Variants in PPM1H observed in about 807,000 individuals in gnomAD.
PPM1H encodes protein phosphatase, Mg2+/Mn2+ dependent 1H.
Under a neutral mutation model 54.9 loss-of-function variants are expected in PPM1H, and 27 were observed. The observed-to-expected ratio is 0.49, with a 90% confidence interval of 0.36 to 0.68. The LOEUF (loss-of-function observed/expected upper bound fraction) is 0.68. Among genes scored for constraint, PPM1H ranks in the 30% least tolerant of loss-of-function variants. The pLI is 0.00. For missense variants in PPM1H, 596 were observed against 667.8 expected (o/e 0.89, Z 1.19); for synonymous variants, 305 against 270.8 (o/e 1.13, Z -1.24).
intron 1 of PPM1H, among the ~76,000 whole-genome samples, chr12:62,862,961 C>A (rs1323245955): frequency 6.6e-6 from 1 of 152,152 alleles, no homozygotes; most frequent in African/African-American, 2.4e-5. Flanking sequence ...AAGAATCACT[C>A]AAAGTTTTAA....
At chr12:62,740,006 C>T (rs2076372692) in intron 4 of PPM1H, among the ~76,000 whole-genome samples, 1 of 152,192 alleles carries the variant, frequency 6.6e-6, no homozygotes. Context: ...GTATTTCTGA[C>T]CTCTCTTTCC....
intron 1 of PPM1H, among the ~76,000 whole-genome samples, chr12:62,932,078 CTGACTTT>C (rs1226759144): frequency 1.3e-4 from 19 of 147,456 alleles, no homozygotes; most frequent in African/African-American, 4.8e-4. Context: ...GGAAGAGGGG[CTGACTTT>C]TTTTTTTTTT....
intron 1 of PPM1H, among the ~76,000 whole-genome samples, chr12:62,918,305 T>G (rs1279309845): frequency 6.6e-6 from 1 of 152,220 alleles, no homozygotes; most frequent in East Asian, 1.9e-4. Flanking sequence ...ATTAACTTAT[T>G]TTCCCAAGAA....
chr12:62,658,903 T>A, intron 9 of PPM1H: 1 of 660,272 alleles, frequency 1.5e-6, no homozygotes, highest in East Asian at 3.2e-5. Flanking sequence ...CTGACCAATA[T>A]GTCAAAATTA....
chr12:62,710,685 T>C (rs971270781), intron 6 of PPM1H, among the ~76,000 whole-genome samples: 2 of 152,224 alleles, frequency 1.3e-5, no homozygotes, highest in African/African-American at 4.8e-5. Flanking sequence ...CAAACCCATC[T>C]TCATCTGCCA....
intron 4 of PPM1H, among the ~76,000 whole-genome samples, chr12:62,766,083 G>A (rs1275355284): frequency 6.6e-6 from 1 of 152,116 alleles, no homozygotes; most frequent in East Asian, 1.9e-4. Context: ...CCCAGGTGAG[G>A]CTCCTATATG....
At chr12:62,758,859 C>T (rs547732100) in intron 4 of PPM1H, among the ~76,000 whole-genome samples, 17 of 152,306 alleles carry the variant, frequency 1.1e-4, no homozygotes, top group African/African-American at 3.8e-4. Flanking sequence ...TGAAGATCCA[C>T]AAAAGAAGTG....
rs1592677806 is a variant in PPM1H, at chr12:62,934,490, A to C, written c.245+2T>G. 1 of 1,541,312 alleles carries C rather than the reference A, an allele frequency of 6.5e-7. No individual in the cohort carries two copies. The highest frequency in any genetic ancestry group is 8.7e-7 in the Non-Finnish European group (1 of 1,144,404). ...GGGCGCCGCCGGTGTCGCTGCACTCACTCTGCGTAGCCAGTGGCCCAGGGC... is the reference window on the plus strand; with the variant it reads ...GGGCGCCGCCGGTGTCGCTGCACTCCCTCTGCGTAGCCAGTGGCCCAGGGC... On this transcript the variant is annotated splice_donor_variant, in intron 1 of 9. Coordinates refer to ENST00000228705, the MANE Select transcript of PPM1H (RefSeq NM_020700.2). LOFTEE classifies it high-confidence loss of function. The surrounding 1 kb of genome is among the most constrained non-coding windows in gnomAD (Gnocchi z 4.2).
chr12:62,761,703 T>C (rs186252652), intron 4 of PPM1H, among the ~76,000 whole-genome samples: 79 of 152,274 alleles, frequency 5.2e-4, no homozygotes, highest in Middle Eastern at 3.4e-3. Flanking sequence ...TAGCCACTTA[T>C]AGGAGCGTTT....
intron 4 of PPM1H, among the ~76,000 whole-genome samples, chr12:62,772,887 T>C (rs559744069): frequency 6.6e-6 from 1 of 152,284 alleles, no homozygotes; most frequent in African/African-American, 2.4e-5. Context: ...TGGTGGCTCA[T>C]GCCTGTAATC....
At chr12:62,762,773 C>T (rs998139231) in intron 4 of PPM1H, among the ~76,000 whole-genome samples, 5 of 152,074 alleles carry the variant, frequency 3.3e-5, no homozygotes, top group African/African-American at 1.2e-4. Flanking sequence ...GTCATCCCTA[C>T]TGAAATCAAT....
chr12:62,784,484 T>C (rs1024565225), intron 4 of PPM1H, among the ~76,000 whole-genome samples: 1 of 152,036 alleles, frequency 6.6e-6, no homozygotes, highest in African/African-American at 2.4e-5. Context: ...ATGGGGGCAG[T>C]GAACATATAA....
At chr12:62,748,772 G>A (rs927558613) in intron 4 of PPM1H, among the ~76,000 whole-genome samples, 7 of 152,182 alleles carry the variant, frequency 4.6e-5, no homozygotes, top group African/African-American at 1.7e-4. Flanking sequence ...GTAGGAGCCT[G>A]TGTGTTGTGG....
intron 4 of PPM1H, among the ~76,000 whole-genome samples, chr12:62,768,251 G>A (rs1365175765): frequency 6.6e-6 from 1 of 152,140 alleles, no homozygotes; most frequent in African/African-American, 2.4e-5. Context: ...CAGCTAGTCA[G>A]CTCCACCATA....
intron 8 of PPM1H, among the ~76,000 whole-genome samples, chr12:62,672,304 G>A (rs1485160934): frequency 1.3e-5 from 2 of 152,178 alleles, no homozygotes; most frequent in African/African-American, 4.8e-5. Flanking sequence ...CCCCTCATGA[G>A]GCTTCTGAAG....
intron 1 of PPM1H, among the ~76,000 whole-genome samples, chr12:62,873,170 T>G (rs933003775): frequency 6.6e-6 from 1 of 152,144 alleles, no homozygotes; most frequent in African/African-American, 2.4e-5. Flanking sequence ...AGCCTCCACA[T>G]GGAAATGGTA....
At chr12:62,930,414 T>C (rs2121191508) in intron 1 of PPM1H, among the ~76,000 whole-genome samples, 1 of 152,260 alleles carries the variant, frequency 6.6e-6, no homozygotes, top group East Asian at 1.9e-4. Context: ...TCTGTACAAG[T>C]AAACAAATGT....
rs1049595670 is a variant in PPM1H, at chr12:62,844,380, G to A, written c.246-12101C>T. On this transcript the variant is annotated intron_variant, in intron 1 of 9. Coordinates refer to ENST00000228705, the MANE Select transcript of PPM1H (RefSeq NM_020700.2). This position sits in a 1 kb window ranked among gnomAD's most constrained non-coding sequence, Gnocchi z 5.2. Reference sequence around the variant, plus strand: ...TAATGTTCTGAGGGGCAAGGGGGGCGTCTTATCTCTGATGCTGCTTCTTCA... The same window carrying A: ...TAATGTTCTGAGGGGCAAGGGGGGCATCTTATCTCTGATGCTGCTTCTTCA... 7.2e-5 allele frequency among the ~76,000 whole-genome samples: 11 copies of A among 152,280 alleles called. No homozygotes were observed. The highest frequency in any genetic ancestry group is 1.9e-4 in the African/African-American group (8 of 41,572).
intron 8 of PPM1H, among the ~76,000 whole-genome samples, chr12:62,670,421 T>C (rs140712386): frequency 3.3e-5 from 5 of 152,348 alleles, no homozygotes; most frequent in African/African-American, 1.2e-4. Flanking sequence ...AGATTCCATT[T>C]GCCTTGCAGC....
Sources: allele counts gnomAD v4.1 joint callset (sites outside exome capture counted in the v4.1 genomes callset), GRCh38; gene constraint gnomAD v4.1.1; non-coding constraint Gnocchi (gnomAD v3.1); transcripts MANE v1.5; gene names NCBI Gene and HGNC (gene_info 2026-07-23, HGNC 2026-07-21).